RBFOX1: variants seen among roughly 807,000 people sequenced by gnomAD.
RBFOX1 encodes the protein RNA binding fox-1 homolog 1.
In RBFOX1, 8 loss-of-function variants were observed where a neutral mutation model predicts 57.7. The ratio of observed to expected loss-of-function variants is 0.14; its 90% confidence interval spans 0.08 to 0.25. The LOEUF is 0.25. Among genes scored for constraint, RBFOX1 ranks in the 10% least tolerant of loss-of-function variants. The probability of loss-of-function intolerance (pLI) is 1.00; values close to 1 mark genes in which losing one functional copy is unlikely to be tolerated. For missense variants in RBFOX1, 611 were observed against 548.5 expected (o/e 1.11, Z -1.14); for synonymous variants, 326 against 222.4 (o/e 1.47, Z -4.15).
intron 2 of RBFOX1, among the ~76,000 whole-genome samples, chr16:6,652,233 T>C (rs375638316): frequency 1.3e-5 from 2 of 152,102 alleles, no homozygotes; most frequent in African/African-American, 4.8e-5. Flanking sequence ...GGCAGATCAC[T>C]AGGTCAAGAG....
intron 3 of RBFOX1, among the ~76,000 whole-genome samples, chr16:7,002,865 A>G (rs1307747141): frequency 3.3e-5 from 5 of 152,220 alleles, no homozygotes; most frequent in Non-Finnish European, 7.3e-5. Flanking sequence ...CAACATCCCG[A>G]TACACTCAGC....
chr16:6,594,642 T>C (rs2097759085), intron 2 of RBFOX1, among the ~76,000 whole-genome samples: 1 of 152,178 alleles, frequency 6.6e-6, no homozygotes. Context: ...TAAATAAGTA[T>C]GTTCAGGTTG....
chr16:5,243,120 G>T (rs1040535911), intron 1 of RBFOX1, among the ~76,000 whole-genome samples: 6 of 152,116 alleles, frequency 3.9e-5, no homozygotes. Flanking sequence ...AGCCTTTATT[G>T]ACCGCTTGTG....
intron 2 of RBFOX1, among the ~76,000 whole-genome samples, chr16:6,575,041 TAAAAAAAA>T (rs60159843): frequency 2.1e-5 from 3 of 142,178 alleles, no homozygotes; most frequent in South Asian, 2.2e-4. Flanking sequence ...CCGTCTCAAT[TAAAAAAAA>T]AAAAAAAAAA....
intron 4 of RBFOX1, among the ~76,000 whole-genome samples, chr16:5,880,647 C>T (rs1047233604): frequency 2.6e-5 from 4 of 152,228 alleles, no homozygotes; most frequent in East Asian, 3.9e-4. Context: ...TGGAATGAGT[C>T]TCTGTGTGTG....
intron 3 of RBFOX1, among the ~76,000 whole-genome samples, chr16:6,743,126 T>C (rs2072693031): frequency 6.6e-6 from 1 of 152,166 alleles, no homozygotes; most frequent in Admixed American, 6.5e-5. Context: ...GTTATAAAGA[T>C]TTGCCTTTTA....
chr16:6,687,635 G>C (rs552063201), intron 3 of RBFOX1, among the ~76,000 whole-genome samples: 1 of 152,114 alleles, frequency 6.6e-6, no homozygotes, highest in African/African-American at 2.4e-5. Flanking sequence ...TCTTCCAAGG[G>C]GAAGTGCCAG....
At chr16:5,376,924 C>G (rs1248558812) in intron 1 of RBFOX1, among the ~76,000 whole-genome samples, 2 of 95,770 alleles carry the variant, frequency 2.1e-5, no homozygotes, top group Admixed American at 9.8e-5. Context: ...TTGGCAGTCT[C>G]TTCATAGCAC....
At chr16:6,838,450 A>C (rs1182445651) in intron 3 of RBFOX1, among the ~76,000 whole-genome samples, 1 of 152,142 alleles carries the variant, frequency 6.6e-6, no homozygotes, top group African/African-American at 2.4e-5. Flanking sequence ...TGGGTTGACT[A>C]GCCCTTTTCT....
chr16:6,641,254 T>A (rs1263991502), intron 2 of RBFOX1, among the ~76,000 whole-genome samples: 1 of 152,176 alleles, frequency 6.6e-6, no homozygotes, highest in Non-Finnish European at 1.5e-5. Context: ...AGCCCTCACA[T>A]TCCTGTTGAC....
Position 6,646,363 on chromosome 16 carries a change from A to G in RBFOX1, c.-63-8240A>G, listed in dbSNP as rs181972350. 2.0e-5 allele frequency among the ~76,000 whole-genome samples: 3 copies of G among 152,338 alleles called. No homozygotes were observed. In the East Asian group the frequency reaches 5.8e-4, roughly 29 times the overall value. On this transcript the variant is annotated intron_variant, in intron 2 of 15. Transcript: ENST00000550418. ...GACAAACTAACAATATCATCTAAAT[A>G]AAAAATCCAGCATGGGTTTAGTAAA...
rs904428000 is a variant in RBFOX1 at position 7,019,080 on chromosome 16, G to A, written c.-15-32977G>A. On this transcript the variant is annotated intron_variant, in intron 3 of 15. Transcript: ENST00000550418. ...TTTTTAGAAGTGTGTGTGTGTGAGT[G>A]TGTGTATGTCTGTGTGTGTATGTGT... 2.6e-5 allele frequency among the ~76,000 whole-genome samples: 4 copies of A among 152,262 alleles called. No individual in the cohort carries two copies. The South Asian group carries it at 6.2e-4, about 24-fold the overall frequency.
At chr16:6,955,934 G>C (rs752430482) in intron 3 of RBFOX1, among the ~76,000 whole-genome samples, 2 of 152,018 alleles carry the variant, frequency 1.3e-5, no homozygotes, top group Admixed American at 1.3e-4. Flanking sequence ...TCAAACTCCT[G>C]TCCGCAGGTG....
intron 7 of RBFOX1, among the ~76,000 whole-genome samples, chr16:7,594,507 G>A (rs191865921): frequency 1.4e-4 from 22 of 152,224 alleles, no homozygotes; most frequent in Admixed American, 9.2e-4. Flanking sequence ...ATAATGTGTC[G>A]TATTTTCTGT....
chr16:5,277,403 T>G (rs1431484863), intron 1 of RBFOX1, among the ~76,000 whole-genome samples: 1 of 152,118 alleles, frequency 6.6e-6, no homozygotes, highest in African/African-American at 2.4e-5. Flanking sequence ...ACTGAAGAAC[T>G]TATCCATGTA....
chr16:6,138,552 A>C (rs1422285777), intron 1 of RBFOX1, among the ~76,000 whole-genome samples: 1 of 152,144 alleles, frequency 6.6e-6, no homozygotes, highest in Admixed American at 6.6e-5. Flanking sequence ...ATCTGCTGGG[A>C]AGATGGAATC....
At chr16:7,530,958 G>C (rs1198488365) in intron 5 of RBFOX1, among the ~76,000 whole-genome samples, 1 of 152,118 alleles carries the variant, frequency 6.6e-6, no homozygotes, top group African/African-American at 2.4e-5. Context: ...TTGAGGACCT[G>C]ACTTGCATGC....
Position 7,476,970 on chromosome 16 carries a change from A to G in RBFOX1, c.28-41177A>G, listed in dbSNP as rs368863703. On this transcript the variant is annotated intron_variant, in intron 4 of 15. Transcript: ENST00000550418. Reference sequence around the variant, plus strand: ...CACCCCTCCATCATAGTGCAATTGCATTGGTGTGGAGTCCTAGCTCTCCTT... The same window carrying G: ...CACCCCTCCATCATAGTGCAATTGCGTTGGTGTGGAGTCCTAGCTCTCCTT... 3.3e-5 allele frequency among the ~76,000 whole-genome samples: 5 copies of G among 152,266 alleles called. No homozygotes were observed. In the East Asian group the frequency reaches 7.7e-4, roughly 24 times the overall value.
At chr16:7,177,518 G>T (rs2081925026) in intron 4 of RBFOX1, among the ~76,000 whole-genome samples, 1 of 151,916 alleles carries the variant, frequency 6.6e-6, no homozygotes, top group Admixed American at 6.6e-5. Context: ...AAAAGAAGTA[G>T]ATCAGGGATG....
Sources: allele counts gnomAD v4.1 joint callset (sites outside exome capture counted in the v4.1 genomes callset), GRCh38; gene constraint gnomAD v4.1.1; transcripts MANE v1.5; gene names NCBI Gene and HGNC (gene_info 2026-07-23, HGNC 2026-07-21).